The following GPHN variants were observed in gnomAD, a reference collection of about 807,000 sequenced individuals.
The protein encoded by GPHN is gephyrin.
Under a neutral mutation model 95.5 loss-of-function variants are expected in GPHN, and 17 were observed. That is an observed-to-expected ratio of 0.18 (90% CI 0.12 to 0.27). The LOEUF is 0.27. Among genes scored for constraint, GPHN ranks in the 10% least tolerant of loss-of-function variants. The pLI, the probability that GPHN is intolerant of heterozygous loss-of-function variation, is 1.00. For synonymous variants in GPHN, 320 were observed against 322.5 expected (o/e 0.99, Z 0.08); for missense variants, 660 against 978.1 (o/e 0.67, Z 4.34).
chr14:67,061,759 G>A lies in GPHN; in HGVS notation c.1144+2973G>A, dbSNP rs543326681. 6.0e-4 allele frequency among the ~76,000 whole-genome samples: 91 copies of A among 151,792 alleles called. 1 individual carries two copies. Among genetic ancestry groups the A allele is most frequent in the Admixed American group, 2.5e-3 (38 of 15,226 alleles). On this transcript the variant is annotated intron_variant, in intron 11 of 22. Coordinates refer to ENST00000478722, the MANE Select transcript of GPHN (RefSeq NM_020806.5). ...ACTCTCAGCCTCAAGCGATCCTCTC[G>A]CCTTAGCCTCCCAAAGTACTAGTAT... is the stretch of plus-strand genomic sequence containing the variant.
intron 18 of GPHN, among the ~76,000 whole-genome samples, chr14:67,157,770 G>A (rs962636239): frequency 8.6e-5 from 13 of 151,808 alleles, no homozygotes; most frequent in Admixed American, 6.6e-5. Flanking sequence ...GAAGGTCGCA[G>A]TGAGCCGAGA....
At chr14:66,581,879 A>G (rs1159877289) in intron 1 of GPHN, among the ~76,000 whole-genome samples, 1 of 152,080 alleles carries the variant, frequency 6.6e-6, no homozygotes, top group African/African-American at 2.4e-5. Flanking sequence ...ACATCAGAGT[A>G]CCTAAATATA....
At chr14:67,192,356 A>G in the GPHN span, among the ~76,000 whole-genome samples, 2 of 152,080 alleles carry the variant, frequency 1.3e-5, no homozygotes, top group African/African-American at 4.8e-5. Flanking sequence ...TTCATTCAAC[A>G]AGTAGTTTTG....
chr14:67,360,633 T>C, the GPHN span: 4 of 162,782 alleles, frequency 2.5e-5, no homozygotes, highest in Non-Finnish European at 2.6e-5. Context: ...GCCGGCTCCG[T>C]GTAGGTCATC....
chr14:67,406,296 G>T, the GPHN span, among the ~76,000 whole-genome samples: 1 of 151,318 alleles, frequency 6.6e-6, no homozygotes, highest in Admixed American at 6.6e-5. Flanking sequence ...GGGATAATTT[G>T]TTATACAACA....
At chr14:67,107,281 C>G (rs2078096731) in intron 13 of GPHN, among the ~76,000 whole-genome samples, 1 of 152,112 alleles carries the variant, frequency 6.6e-6, no homozygotes, top group African/African-American at 2.4e-5. Flanking sequence ...TACAGTGGCA[C>G]TGGGCTCAAA....
At chr14:66,641,666 A>AG (rs1566748654) in intron 1 of GPHN, among the ~76,000 whole-genome samples, 2 of 150,970 alleles carry the variant, frequency 1.3e-5, no homozygotes, top group Non-Finnish European at 3.0e-5. Context: ...AAAAAAAAAA[A>AG]AGAGAGAGGT....
intron 4 of GPHN, among the ~76,000 whole-genome samples, chr14:66,876,516 A>T (rs899372157): frequency 6.6e-6 from 1 of 152,218 alleles, no homozygotes; most frequent in African/African-American, 2.4e-5. Flanking sequence ...ACTAATGAAG[A>T]AAAGAGTGAA....
chr14:67,052,304 C>A (rs2075342439), intron 10 of GPHN, among the ~76,000 whole-genome samples: 1 of 151,352 alleles, frequency 6.6e-6, no homozygotes, highest in South Asian at 2.1e-4. Context: ...GGGTTGCAAT[C>A]CTAGTGTTAA....
intron 1 of GPHN, among the ~76,000 whole-genome samples, chr14:66,526,074 T>G (rs1340828052): frequency 6.6e-6 from 1 of 151,810 alleles, no homozygotes; most frequent in Non-Finnish European, 1.5e-5. Flanking sequence ...TATAAATTAC[T>G]TTGGGCAGCA....
the GPHN span, among the ~76,000 whole-genome samples, chr14:67,603,272 G>A: frequency 6.6e-6 from 1 of 152,102 alleles, no homozygotes; most frequent in East Asian, 1.9e-4. Flanking sequence ...ATCTCACTAT[G>A]TTTCCCAGGC....
intron 10 of GPHN, among the ~76,000 whole-genome samples, chr14:67,048,517 C>T (rs1010563831): frequency 6.6e-6 from 1 of 152,162 alleles, no homozygotes; most frequent in Non-Finnish European, 1.5e-5. Flanking sequence ...AAACCCATTG[C>T]AGGGGAATGC....
the GPHN span, among the ~76,000 whole-genome samples, chr14:67,484,010 G>A: frequency 2.0e-5 from 3 of 152,162 alleles, no homozygotes; most frequent in Non-Finnish European, 2.9e-5. Context: ...CTGGCAGGCT[G>A]GCATCCCAGA....
chr14:67,240,170 C>T, the GPHN span, among the ~76,000 whole-genome samples: 4 of 152,126 alleles, frequency 2.6e-5, no homozygotes, highest in African/African-American at 9.7e-5. Flanking sequence ...GAATGCTGAT[C>T]AGATTTGAGA....
At chr14:66,769,793 C>T (rs756033625) in intron 2 of GPHN, among the ~76,000 whole-genome samples, 3 of 152,030 alleles carry the variant, frequency 2.0e-5, no homozygotes, top group Non-Finnish European at 2.9e-5. Context: ...TGAACATATA[C>T]GTTGCATGTG....
chr14:67,324,317 TTGAC>T, the GPHN span, among the ~76,000 whole-genome samples: 9 of 152,340 alleles, frequency 5.9e-5, no homozygotes, highest in Non-Finnish European at 7.4e-5. Flanking sequence ...ACATTAATAA[TTGAC>T]TGATAACATG....
At chr14:67,087,054 AAAC>A (rs1403830025) in intron 11 of GPHN, among the ~76,000 whole-genome samples, 25 of 151,834 alleles carry the variant, frequency 1.6e-4, no homozygotes, top group African/African-American at 6.0e-4. Flanking sequence ...AAAAAAAAAA[AAAC>A]TCTCTTCCTT....
intron 4 of GPHN, among the ~76,000 whole-genome samples, chr14:66,831,912 C>G (rs1453701210): frequency 6.6e-6 from 1 of 152,042 alleles, no homozygotes; most frequent in Non-Finnish European, 1.5e-5. Flanking sequence ...TTTGGGAGGC[C>G]GAGGTGGGTG....
At chr14:67,527,145 T>G in the GPHN span, among the ~76,000 whole-genome samples, 1 of 152,072 alleles carries the variant, frequency 6.6e-6, no homozygotes, top group Non-Finnish European at 1.5e-5. Context: ...AACCCACACA[T>G]CCCTGAGCAG....
Sources: gnomAD v4.1 joint callset for allele counts (sites outside exome capture counted in the v4.1 genomes callset) on GRCh38, gnomAD v4.1.1 for gene constraint, MANE v1.5 for transcripts, NCBI Gene and HGNC (gene_info 2026-07-23, HGNC 2026-07-21) for gene names.